The following TRIM37 variants were observed in gnomAD, a reference collection of about 807,000 sequenced individuals.
TRIM37 encodes the protein tripartite motif containing 37, also known as E3 ubiquitin-protein ligase TRIM37.
In TRIM37, 80 loss-of-function variants were observed where a neutral mutation model predicts 129.8. The observed-to-expected ratio is 0.62, with a 90% confidence interval of 0.51 to 0.74. The LOEUF is 0.74. Ranked by LOEUF, TRIM37 falls within the 30% of genes least tolerant of loss-of-function variation. The pLI, the probability that TRIM37 is intolerant of heterozygous loss-of-function variation, is 0.00. For synonymous variants in TRIM37, 389 were observed against 387.1 expected (o/e 1.00, Z -0.06); for missense variants, 1,054 against 1,176.5 (o/e 0.90, Z 1.52).
Position 59,088,012 on chromosome 17 carries a change from T to A in TRIM37, c.281+279A>T, listed in dbSNP as rs933290274. ...AACAGTTAACAGAAATCATGTCTCA[T>A]TTACCTTTGTATGCCTATCATCTAG... On this transcript the variant is annotated intron_variant, in intron 4 of 23. Transcript: ENST00000262294. 2.9e-5 allele frequency: 17 copies of A among 578,266 alleles called. No homozygotes were observed. In the African/African-American group the frequency reaches 3.2e-4, roughly 11 times the overall value. 35.8% of individuals were successfully genotyped at this position (578,266 alleles called of 1,614,324 possible).
At chr17:58,972,002 A>G in the TRIM37 span, 1 of 828,268 alleles carries the variant, frequency 1.2e-6, no homozygotes, top group East Asian at 2.7e-5. Flanking sequence ...ATGAATTATT[A>G]TATATGTGTG....
intron 19 of TRIM37, among the ~76,000 whole-genome samples, chr17:59,024,562 CTG>C (rs1311730874): frequency 1.3e-5 from 2 of 152,148 alleles, no homozygotes; most frequent in Admixed American, 1.3e-4. Context: ...GAGAGAGAGA[CTG>C]TTGCCCAGAT....
At chr17:59,090,390 CATATATAT>C (rs756520835) in intron 3 of TRIM37, among the ~76,000 whole-genome samples, 1 of 151,112 alleles carries the variant, frequency 6.6e-6, no homozygotes, top group Admixed American at 6.6e-5. Context: ...ATCACATACG[CATATATAT>C]ATATAAATAT....
chr17:59,024,943 A>G (rs1278755584), intron 19 of TRIM37, among the ~76,000 whole-genome samples: 1 of 152,252 alleles, frequency 6.6e-6, no homozygotes, highest in Non-Finnish European at 1.5e-5. Context: ...AACATATCCT[A>G]TCATAGTATT....
intron 24 of TRIM37, among the ~76,000 whole-genome samples, chr17:58,993,087 G>C (rs1454777195): frequency 6.6e-6 from 1 of 152,110 alleles, no homozygotes. Flanking sequence ...TGCTGTTTTT[G>C]TAATACTGAA....
At chr17:59,051,166 C>A in intron 14 of TRIM37, 48 bp downstream of exon 14, 1 of 1,202,980 alleles carries the variant, frequency 8.3e-7, no homozygotes, top group Non-Finnish European at 1.2e-6. Context: ...ATATAACAAG[C>A]CAAAAGGACA....
intron 2 of TRIM37, among the ~76,000 whole-genome samples, chr17:59,097,867 C>G (rs1040808892): frequency 6.6e-6 from 1 of 152,150 alleles, no homozygotes; most frequent in Non-Finnish European, 1.5e-5. Context: ...GTTAAGACAG[C>G]AATATTACTC....
chr17:59,099,493 C>A (rs1039097426), intron 2 of TRIM37, among the ~76,000 whole-genome samples: 2 of 151,548 alleles, frequency 1.3e-5, no homozygotes, highest in Admixed American at 1.3e-4. Flanking sequence ...ATTAAAGACA[C>A]CGAACTGTAC....
At chr17:58,990,437 G>C (rs1289337081) in intron 24 of TRIM37, among the ~76,000 whole-genome samples, 1 of 151,710 alleles carries the variant, frequency 6.6e-6, no homozygotes, top group African/African-American at 2.4e-5. Flanking sequence ...GTTGTAGTGA[G>C]CTGAGATCGA....
intron 2 of TRIM37, among the ~76,000 whole-genome samples, chr17:59,094,541 T>C (rs895019367): frequency 1.3e-5 from 2 of 151,992 alleles, no homozygotes; most frequent in African/African-American, 2.4e-5. Flanking sequence ...AATCAACATA[T>C]CTACCCTGCA....
In TRIM37 at chr17:59,056,858, C is replaced by G; in HGVS notation, c.1199+17G>C. 1 of 1,547,212 alleles carries G rather than the reference C, an allele frequency of 6.5e-7. No homozygotes were observed. Among genetic ancestry groups the G allele is most frequent in the African/African-American group, 1.4e-5 (1 of 72,654 alleles). On this transcript the variant is annotated intron_variant, in intron 13 of 23. Transcript: ENST00000262294. ...TTCCCCACAATAAAAACCACAACAT[C>G]AAATTTTTCCTGTTACCTTAAAATC...
In TRIM37 at chr17:59,050,340, T is replaced by G. The variant is rs376498991; in HGVS notation, c.1314+874A>C. Among the ~76,000 whole-genome samples the G allele has an allele frequency of 5.3e-5, 8 of 152,340 alleles. No individual in the cohort carries two copies. The East Asian group carries it at 7.7e-4, about 15-fold the overall frequency. ...AATGCTCTAGATTTGCAGTAACCAA[T>G]GCAAGCACTTGAAATGTGGCTACTG... On this transcript the variant is annotated intron_variant, in intron 14 of 23. Transcript: ENST00000262294.
chr17:59,074,250 T>C (rs1171562081), intron 8 of TRIM37, among the ~76,000 whole-genome samples: 1 of 152,240 alleles, frequency 6.6e-6, no homozygotes, highest in Non-Finnish European at 1.5e-5. Flanking sequence ...CAGTCTGTCA[T>C]TGACCAAAAG....
Position 59,046,934 on chromosome 17 carries a change from C to T in TRIM37, c.1667+749G>A, listed in dbSNP as rs1214045304. 4.6e-5 allele frequency among the ~76,000 whole-genome samples: 7 copies of T among 150,912 alleles called. 1 individual carries two copies. The East Asian group carries it at 1.4e-3, about 30-fold the overall frequency. On this transcript the variant is annotated intron_variant, in intron 16 of 23. Transcript: ENST00000262294. ...CTTTGGGAGGCCGAGGTGGACGGAT[C>T]ATGAGGTCAGGAGATCAAGACCAAC...
At position 59,049,322 on chromosome 17, in the gene TRIM37, G is replaced by T. The variant is rs1291618503; in HGVS notation, c.1386C>A (p.Pro462=). The change falls in exon 15 of 24, where the codon CCC becomes CCA. Residue 462 remains proline (P), a synonymous_variant. Coordinates refer to ENST00000262294, the MANE Select transcript of TRIM37 (RefSeq NM_015294.6). ...DLSPPDNHLS[P]QNDDALETRA... ...GTGTCTCCAGAGCATCATCATTTTG[G>T]GGGCTAAGATGGTTATCTGGTGGTG... 6.2e-7 allele frequency: 1 copy of T among 1,614,072 alleles called. No homozygotes were observed. Among genetic ancestry groups the T allele is most frequent in the Non-Finnish European group, 8.5e-7 (1 of 1,180,022 alleles).
chr17:59,036,235 C>T (rs1410651272), intron 17 of TRIM37, among the ~76,000 whole-genome samples: 1 of 152,058 alleles, frequency 6.6e-6, no homozygotes, highest in Non-Finnish European at 1.5e-5. Flanking sequence ...GAGCAAGACT[C>T]CGTCTCTATA....
downstream of TRIM37, among the ~76,000 whole-genome samples, chr17:58,993,606 G>C (rs1022530963): frequency 6.6e-6 from 1 of 152,190 alleles, no homozygotes; most frequent in African/African-American, 2.4e-5. Flanking sequence ...GATCAGATCA[G>C]ATCAGCGGTA....
chr17:58,989,601 G>C (rs1402282816), intron 24 of TRIM37, among the ~76,000 whole-genome samples: 2 of 152,024 alleles, frequency 1.3e-5, no homozygotes, highest in African/African-American at 4.8e-5. Context: ...GCCTTCAGTT[G>C]GCTAATCAGT....
chr17:59,062,245 C>A (rs923052002), intron 11 of TRIM37, among the ~76,000 whole-genome samples: 5 of 152,022 alleles, frequency 3.3e-5, no homozygotes, highest in Non-Finnish European at 7.4e-5. Context: ...ATTGAAGATA[C>A]CCAATGAAAG....
Sources: allele counts gnomAD v4.1 joint callset (sites outside exome capture counted in the v4.1 genomes callset), GRCh38; gene constraint gnomAD v4.1.1; transcripts MANE v1.5; gene names NCBI Gene and HGNC (gene_info 2026-07-23, HGNC 2026-07-21).